The following STRN variants were observed in gnomAD, a reference collection of about 807,000 sequenced individuals.
STRN encodes the protein protein phosphatase 2 regulatory subunit B'''alpha.
In STRN, 53 loss-of-function variants were observed where a neutral mutation model predicts 96.3. The observed-to-expected ratio is 0.55, with a 90% CI of 0.44 to 0.69. The LOEUF is 0.69. Ranked by LOEUF, STRN falls within the 30% of genes least tolerant of loss-of-function variation. The pLI, the probability that STRN is intolerant of heterozygous loss-of-function variation, is 0.00. For missense variants in STRN, 987 were observed against 963.9 expected, an observed-to-expected ratio of 1.02 and a Z score of -0.32; for synonymous variants, 428 against 355.9, an observed-to-expected ratio of 1.20 and a Z score of -2.28.
intron 1 of STRN, among the ~76,000 whole-genome samples, chr2:36,944,591 ATT>A (rs1670932575): frequency 6.6e-6 from 1 of 152,330 alleles, no homozygotes; most frequent in East Asian, 1.9e-4. Flanking sequence ...TAAAATTATC[ATT>A]GTTTTCTGTT....
chr2:36,867,895 G>C (rs370189487), intron 11 of STRN, 34 bp from the exon 12 acceptor site: 31 of 1,521,736 alleles, frequency 2.0e-5, no homozygotes, highest in Non-Finnish European at 2.6e-5. Context: ...ACCATTCTAA[G>C]TGTCAGTAAA....
In STRN at chr2:36,869,636, G is replaced by T; in HGVS notation, c.1417C>A (p.Pro473Thr). ...FDGIRALAFH[P>T]IEPVLITASE... Reference sequence around the variant, plus strand: ...GCTGTTATCAAAACAGGCTCAATGGGATGGAAAGCAAGGGCTCGGATGCCA... The same window carrying T: ...GCTGTTATCAAAACAGGCTCAATGGTATGGAAAGCAAGGGCTCGGATGCCA... The change falls in exon 11 of 18, where the codon CCC becomes ACC. Residue 473 changes from proline to threonine, a missense_variant. Transcript: ENST00000263918. 1 of 1,612,874 alleles carries T rather than the reference G, an allele frequency of 6.2e-7. No homozygotes were observed. The highest frequency in any genetic ancestry group is 8.5e-7 in the Non-Finnish European group (1 of 1,179,410).
intron 1 of STRN, among the ~76,000 whole-genome samples, chr2:36,942,794 C>T (rs900317890): frequency 6.6e-6 from 1 of 152,062 alleles, no homozygotes; most frequent in African/African-American, 2.4e-5. Flanking sequence ...CTCCTGGATT[C>T]AAGCAATTCT....
chr2:36,851,253 G>A, intron 15 of STRN, 146 bp from the exon 16 acceptor site: 1 of 553,180 alleles, frequency 1.8e-6, no homozygotes, highest in Non-Finnish European at 3.1e-6. Context: ...GGGAGGCCAA[G>A]GTGGGTGGAT....
chr2:36,861,038 T>A, intron 13 of STRN, 94 bp downstream of exon 13: 1 of 1,453,218 alleles, frequency 6.9e-7, no homozygotes, highest in Non-Finnish European at 9.2e-7. Flanking sequence ...CTATTTATTT[T>A]CAAAAATCTC....
intron 10 of STRN, among the ~76,000 whole-genome samples, chr2:36,875,658 G>GA (rs1315443249): frequency 2.9e-5 from 2 of 69,868 alleles, no homozygotes; most frequent in Non-Finnish European, 5.1e-5. Context: ...AAATAGAAAT[G>GA]ATTTTTTTTT....
intron 10 of STRN, among the ~76,000 whole-genome samples, chr2:36,876,270 TAA>T (rs11292459): frequency 1.1e-3 from 158 of 144,212 alleles, no homozygotes; most frequent in Admixed American, 1.4e-3. Flanking sequence ...GACCCTGCCT[TAA>T]AAAAAAAAAA....
chr2:36,905,357 C>T (rs1012391606), intron 4 of STRN, among the ~76,000 whole-genome samples, 183 bp downstream of exon 4: 1 of 152,146 alleles, frequency 6.6e-6, no homozygotes, highest in African/African-American at 2.4e-5. Context: ...CTTTTAACTA[C>T]GTAAGTTCTA....
chr2:36,870,681 A>C (rs1338507568), intron 10 of STRN, among the ~76,000 whole-genome samples: 2 of 152,208 alleles, frequency 1.3e-5, no homozygotes, highest in Admixed American at 1.3e-4. Context: ...TACAGAACAC[A>C]ATACTGGATA....
rs1307746973 is a variant in STRN, at chr2:36,887,042, G to GACAGACAC, written c.932-217_932-216insGTGTCTGT. Among the ~76,000 whole-genome samples the GACAGACAC allele has an allele frequency of 1.5e-3, 222 of 144,874 alleles. 3 individuals carry two copies. The East Asian group carries it at 0.027, about 18-fold the overall frequency. On this transcript the variant is annotated intron_variant, in intron 7 of 17. Coordinates refer to ENST00000263918, the MANE Select transcript of STRN (RefSeq NM_003162.4). ...TTCCTAGAATCAGTTTCTCCTGAAA[G>GACAGACAC]ACACACACACACACACACACACACA... is the stretch of plus-strand genomic sequence containing the variant.
intron 1 of STRN, among the ~76,000 whole-genome samples, chr2:36,938,818 A>C (rs747252139): frequency 6.6e-6 from 1 of 152,212 alleles, no homozygotes; most frequent in Non-Finnish European, 1.5e-5. Flanking sequence ...TAGACATAAT[A>C]TATGTCTGCT....
At chr2:36,928,265 T>C (rs1670469466) in intron 1 of STRN, among the ~76,000 whole-genome samples, 1 of 152,090 alleles carries the variant, frequency 6.6e-6, no homozygotes, top group South Asian at 2.1e-4. Context: ...TATTGCTCTT[T>C]GAATTGAATT....
At chr2:36,924,412 T>G in intron 2 of STRN, among the ~76,000 whole-genome samples, 1 of 151,534 alleles carries the variant, frequency 6.6e-6, no homozygotes. Flanking sequence ...TGGAACAATT[T>G]TTTTCTAAAG....
intron 10 of STRN, among the ~76,000 whole-genome samples, chr2:36,877,239 C>T (rs1048753634): frequency 6.6e-6 from 1 of 152,124 alleles, no homozygotes; most frequent in Non-Finnish European, 1.5e-5. Context: ...ACTAAAGAAG[C>T]AAGGCAAATA....
intron 16 of STRN, among the ~76,000 whole-genome samples, chr2:36,850,679 T>C (rs1668195599): frequency 6.6e-6 from 1 of 152,234 alleles, no homozygotes; most frequent in South Asian, 2.1e-4. Context: ...TATATAATAC[T>C]ACAATAGATC....
chr2:36,900,195 T>C (rs1327835199), intron 5 of STRN, among the ~76,000 whole-genome samples: 3 of 152,214 alleles, frequency 2.0e-5, no homozygotes, highest in Non-Finnish European at 4.4e-5. Flanking sequence ...CGTATCTATT[T>C]AGATTAGTGG....
intron 11 of STRN, among the ~76,000 whole-genome samples, chr2:36,869,113 G>C (rs1668701700): frequency 6.6e-6 from 1 of 152,102 alleles, no homozygotes; most frequent in South Asian, 2.1e-4. Context: ...ACAAGACCAA[G>C]ACCCTCCACC....
chr2:36,909,014 G>C (rs1438917620), intron 3 of STRN, among the ~76,000 whole-genome samples: 2 of 149,358 alleles, frequency 1.3e-5, no homozygotes, highest in Admixed American at 6.7e-5. Context: ...AAAATAGCTG[G>C]GCAAGGTGGC....
chr2:36,876,771 G>A (rs554497205), intron 10 of STRN, among the ~76,000 whole-genome samples: 141 of 150,148 alleles, frequency 9.4e-4, no homozygotes, highest in African/African-American at 3.0e-3. Context: ...TTTTTGAGGC[G>A]GAGTCTTGCT....
Sources: gnomAD v4.1 joint callset for allele counts (sites outside exome capture counted in the v4.1 genomes callset) on GRCh38, gnomAD v4.1.1 for gene constraint, MANE v1.5 for transcripts, NCBI Gene and HGNC (gene_info 2026-07-23, HGNC 2026-07-21) for gene names.